Variants in TP53BP1 observed in about 807,000 individuals in gnomAD.
TP53BP1 encodes the protein TP53-binding protein 1.
TP53BP1 carries 61 observed loss-of-function variants against 200.8 expected under a neutral mutation model. The observed-to-expected ratio is 0.30, with a 90% CI of 0.25 to 0.38. TP53BP1 has a LOEUF of 0.38. Ranked by LOEUF, TP53BP1 falls within the 10% of genes least tolerant of loss-of-function variation. The probability of loss-of-function intolerance (pLI) is 1.00; values close to 1 mark genes in which losing one functional copy is unlikely to be tolerated. For missense variants in TP53BP1, 2,144 were observed against 2,371.9 expected, an observed-to-expected ratio of 0.90 and a Z score of 2.00; for synonymous variants, 822 against 844.3, an observed-to-expected ratio of 0.97 and a Z score of 0.46.
At chr15:43,408,744 A>T in intron 26 of TP53BP1, 153 bp downstream of exon 26, 1 of 709,404 alleles carries the variant, frequency 1.4e-6, no homozygotes, top group Non-Finnish European at 2.3e-6. Context: ...GAAATAAACT[A>T]GATAAACTCC....
At chr15:43,416,164 T>C in intron 22 of TP53BP1, 61 bp downstream of exon 22, 1 of 1,447,524 alleles carries the variant, frequency 6.9e-7, no homozygotes, top group Middle Eastern at 2.4e-4. Flanking sequence ...GTCCAGAATC[T>C]CCTCCCACTG....
intron 4 of TP53BP1, among the ~76,000 whole-genome samples, chr15:43,484,681 C>G (rs1283363611): frequency 6.6e-6 from 1 of 152,070 alleles, no homozygotes; most frequent in Non-Finnish European, 1.5e-5. Flanking sequence ...GCCTCAGGGT[C>G]TTTGAACTTG....
At chr15:43,504,974 C>T (rs1210432864) in intron 1 of TP53BP1, among the ~76,000 whole-genome samples, 4 of 152,052 alleles carry the variant, frequency 2.6e-5, no homozygotes, top group African/African-American at 7.2e-5. Flanking sequence ...GAGCCGAGAT[C>T]GTGCCACTGC....
chr15:43,504,664 C>A (rs940814721), intron 1 of TP53BP1, among the ~76,000 whole-genome samples: 3 of 152,016 alleles, frequency 2.0e-5, no homozygotes, highest in African/African-American at 7.2e-5. Flanking sequence ...ACAGCCTAAA[C>A]AAAAAATACA....
At chr15:43,411,164 T>A (rs894220430) in intron 24 of TP53BP1, among the ~76,000 whole-genome samples, 1 of 152,206 alleles carries the variant, frequency 6.6e-6, no homozygotes, top group African/African-American at 2.4e-5. Context: ...TTCCTTAATT[T>A]GTCTAATGAA....
intron 19 of TP53BP1, 181 bp downstream of exon 19, chr15:43,421,674 G>T: frequency 2.4e-6 from 2 of 829,532 alleles, no homozygotes; most frequent in Non-Finnish European, 3.7e-6. Context: ...CTGCCACAGG[G>T]CTCCACCCTA....
intron 19 of TP53BP1, 110 bp downstream of exon 19, chr15:43,421,745 C>T: frequency 6.9e-7 from 1 of 1,445,840 alleles, no homozygotes; most frequent in Non-Finnish European, 9.4e-7. Flanking sequence ...GTTGATTTAT[C>T]TTTAATGGAG....
Position 43,404,312 on chromosome 15 carries a change from T to C in TP53BP1, c.*3071A>G, listed in dbSNP as rs2044781719. 4 of 1,464,924 alleles carry C rather than the reference T, an allele frequency of 2.7e-6. No individual in the cohort carries two copies. The highest frequency in any genetic ancestry group is 2.2e-5 in the Admixed American group (1 of 45,168). 90.7% of individuals were successfully genotyped at this position (1,464,924 alleles called of 1,614,324 possible). On this transcript the variant is annotated 3_prime_UTR_variant, in exon 28 of 28. Transcript: ENST00000382044. ...AAGGCCAGGTGGTTCTGTAGAATTT[T>C]GAACAAGGCTTTTCCAAGAAACTCC... is the stretch of plus-strand genomic sequence containing the variant.
upstream of TP53BP1, among the ~76,000 whole-genome samples, chr15:43,493,742 C>T (rs779402498): frequency 6.6e-6 from 1 of 152,166 alleles, no homozygotes; most frequent in Non-Finnish European, 1.5e-5. Flanking sequence ...TATAAGGGCT[C>T]CAGTAAGCCA....
At chr15:43,463,913 C>G (rs529701987) in intron 11 of TP53BP1, among the ~76,000 whole-genome samples, 2 of 152,188 alleles carry the variant, frequency 1.3e-5, no homozygotes, top group African/African-American at 4.8e-5. Flanking sequence ...TCCCAACCCC[C>G]CTTCCCACCC....
intron 4 of TP53BP1, among the ~76,000 whole-genome samples, chr15:43,484,862 C>A (rs2079024252): frequency 6.6e-6 from 1 of 152,006 alleles, no homozygotes; most frequent in Non-Finnish European, 1.5e-5. Context: ...GCGATCCTCC[C>A]ACCTCAGCCT....
intron 24 of TP53BP1, among the ~76,000 whole-genome samples, chr15:43,411,183 C>T (rs948471712): frequency 6.6e-6 from 1 of 152,188 alleles, no homozygotes; most frequent in East Asian, 1.9e-4. Context: ...AAGTATTACC[C>T]TGTCTAGGCA....
chr15:43,441,354 A>T (rs561639708), intron 15 of TP53BP1, 172 bp downstream of exon 15: 5 of 515,308 alleles, frequency 9.7e-6, no homozygotes, highest in Non-Finnish European at 1.4e-5. Context: ...CACTGAACTT[A>T]AAAAAGTATT....
chr15:43,493,008 C>A, intron 1 of TP53BP1, 29 bp downstream of exon 1: 1 of 1,612,822 alleles, frequency 6.2e-7, no homozygotes, highest in South Asian at 1.1e-5. Context: ...TCAGAGCCCA[C>A]TGCACTCCCA....
chr15:43,484,114 G>A (rs1344245117), intron 4 of TP53BP1, among the ~76,000 whole-genome samples: 1 of 152,128 alleles, frequency 6.6e-6, no homozygotes, highest in African/African-American at 2.4e-5. Flanking sequence ...TTCCCCTCCT[G>A]CAGTCTTCTC....
intron 11 of TP53BP1, among the ~76,000 whole-genome samples, chr15:43,459,315 C>A (rs1029417356): frequency 6.6e-6 from 1 of 151,950 alleles, no homozygotes; most frequent in Non-Finnish European, 1.5e-5. Context: ...CCAGCCTCAG[C>A]GACAGAGCGA....
intron 4 of TP53BP1, among the ~76,000 whole-genome samples, chr15:43,483,774 A>AAAAG (rs2079008010): frequency 6.6e-6 from 1 of 152,236 alleles, no homozygotes. Context: ...CAAATGGTAG[A>AAAAG]AAAGAAGCAA....
intron 16 of TP53BP1, 139 bp from the exon 17 acceptor site, chr15:43,432,816 A>T (rs2045703271): frequency 1.1e-6 from 1 of 900,040 alleles, no homozygotes; most frequent in Admixed American, 2.9e-5. Context: ...AGGAAGGGAG[A>T]AAGTCAGGTA....
chr15:43,426,722 G>A (rs1049230956), intron 18 of TP53BP1, among the ~76,000 whole-genome samples: 1 of 151,342 alleles, frequency 6.6e-6, no homozygotes, highest in Non-Finnish European at 1.5e-5. Flanking sequence ...GAAGAAAACA[G>A]TTGTGCCTTG....
Sources: gnomAD v4.1 joint callset for allele counts (sites outside exome capture counted in the v4.1 genomes callset) on GRCh38, gnomAD v4.1.1 for gene constraint, MANE v1.5 for transcripts, NCBI Gene and HGNC (gene_info 2026-07-23, HGNC 2026-07-21) for gene names.